The following MR1 variants were observed in gnomAD, a reference collection of about 807,000 sequenced individuals.
MR1 encodes the protein major histocompatibility complex class I-related protein 1.
Under a neutral mutation model 37.8 loss-of-function variants are expected in MR1, and 44 were observed. That is an observed-to-expected ratio of 1.16 (90% CI 0.91 to 1.50). The LOEUF (loss-of-function observed/expected upper bound fraction) is 1.50. MR1 is among the 40% of genes most tolerant of loss of function. The pLI, the probability that MR1 is intolerant of heterozygous loss-of-function variation, is 0.00. For missense variants in MR1, 386 were observed against 419.1 expected (o/e 0.92, Z 0.69); for synonymous variants, 153 against 155.8 (o/e 0.98, Z 0.13).
chr1:181,039,827 C>CT (rs1657459547), intron 1 of MR1, among the ~76,000 whole-genome samples: 1 of 144,988 alleles, frequency 6.9e-6, no homozygotes, highest in African/African-American at 2.6e-5. Context: ...GATCATGCCA[C>CT]TGCACTCCAG....
At chr1:181,036,583 A>C (rs1657283750) in intron 1 of MR1, among the ~76,000 whole-genome samples, 1 of 152,134 alleles carries the variant, frequency 6.6e-6, no homozygotes, top group African/African-American at 2.4e-5. Context: ...TACTCCAGGA[A>C]ATGTCAACAT....
At position 181,058,957 on chromosome 1, in the gene MR1, T is replaced by C. The variant is rs944117018; in HGVS notation, c.*3692T>C. The C allele has an allele frequency of 6.6e-6, 1 of 152,254 alleles. No individual in the cohort carries two copies. The highest frequency in any genetic ancestry group is 1.5e-5 in the Non-Finnish European group (1 of 68,054). 9.4% of individuals were successfully genotyped at this position (152,254 alleles called of 1,614,324 possible). ...TGTAGAGTGCTTGATGACCCCAGAA[T>C]TGGTGCAAGGGGACACATTCTTGCT... On this transcript the variant is annotated 3_prime_UTR_variant, in exon 6 of 6. Transcript: ENST00000367580.
chr1:181,054,223 G>A (rs1658481960), intron 5 of MR1, among the ~76,000 whole-genome samples: 1 of 152,218 alleles, frequency 6.6e-6, no homozygotes, highest in African/African-American at 2.4e-5. Context: ...TCTTGATAAT[G>A]TGGAATAACA....
chr1:181,055,638 G>A lies in MR1; in HGVS notation c.*373G>A. The A allele has an allele frequency of 4.3e-6, 1 of 234,470 alleles. No individual in the cohort carries two copies. Among genetic ancestry groups the A allele is most frequent in the South Asian group, 1.0e-4 (1 of 9,932 alleles). 14.5% of individuals were successfully genotyped at this position (234,470 alleles called of 1,614,324 possible). A position where few individuals can be genotyped will look rare whatever the true frequency, so the allele number is the denominator to read the frequency against. ...AGGAACTGTCTTCTGCAATGCCTTG[G>A]ACTTGAGCCTCCAGCCTCCACTTGA... On this transcript the variant is annotated 3_prime_UTR_variant, in exon 6 of 6. Coordinates refer to ENST00000367580, the MANE Select transcript of MR1 (RefSeq NM_001385161.1).
intron 2 of MR1, 115 bp from the exon 3 acceptor site, chr1:181,049,896 G>A: frequency 2.4e-6 from 3 of 1,229,404 alleles, no homozygotes; most frequent in Non-Finnish European, 3.4e-6. Context: ...TGGCAGGCCT[G>A]GGGGGTGACA....
At chr1:181,050,483 C>T (rs1438365781) in intron 3 of MR1, 197 bp downstream of exon 3, 2 of 651,910 alleles carry the variant, frequency 3.1e-6, no homozygotes, top group African/African-American at 3.7e-5. Context: ...TTTGACAGTT[C>T]CCCTTGTCTT....
intron 1 of MR1, among the ~76,000 whole-genome samples, chr1:181,045,621 A>T (rs1165181763): frequency 6.6e-6 from 1 of 152,044 alleles, no homozygotes; most frequent in African/African-American, 2.4e-5. Context: ...GTCTCTCCTA[A>T]GGGCCCACAC....
At chr1:181,052,085 T>G in intron 3 of MR1, 150 bp from the exon 4 acceptor site, 1 of 857,536 alleles carries the variant, frequency 1.2e-6, no homozygotes, top group Non-Finnish European at 1.8e-6. Flanking sequence ...CGTAAATACG[T>G]TTGTTGTTGA....
upstream of MR1, chr1:181,033,892 G>T: frequency 1.4e-6 from 1 of 709,298 alleles, no homozygotes; most frequent in Non-Finnish European, 2.3e-6. Context: ...CCTAGCAACT[G>T]ATGACACTGC....
chr1:181,050,320 GC>G, intron 3 of MR1, 34 bp downstream of exon 3: 1 of 1,612,986 alleles, frequency 6.2e-7, no homozygotes. Context: ...TTCCCACATT[GC>G]CTGAACAACT....
Position 181,052,239 on chromosome 1 carries a change from C to T in MR1, c.609C>T (p.Pro203=). Reference sequence around the variant, plus strand: ...ACTTTAGCTTCTTCTTCCTAGAGCCCCCACTGGTCAGAGTAAATCGCAAAG... The same window carrying T: ...ACTTTAGCTTCTTCTTCCTAGAGCCTCCACTGGTCAGAGTAAATCGCAAAG... The part of the protein sequence containing the change: ...YGKDTLQRTE[P]PLVRVNRKET... The change falls in exon 4 of 6, where the codon CCC becomes CCT. Residue 203 remains proline (P), a synonymous_variant. Coordinates refer to ENST00000367580, the MANE Select transcript of MR1 (RefSeq NM_001385161.1). The T allele has an allele frequency of 6.2e-7, 1 of 1,613,204 alleles. No individual in the cohort carries two copies.
chr1:181,039,288 A>G (rs1056778041), intron 1 of MR1, among the ~76,000 whole-genome samples: 1 of 152,234 alleles, frequency 6.6e-6, no homozygotes, highest in Non-Finnish European at 1.5e-5. Context: ...TTTATGCCTC[A>G]TTGAAGGCCC....
At chr1:181,052,613 C>T (rs569554944) in intron 4 of MR1, 103 bp downstream of exon 4, 17 of 1,263,226 alleles carry the variant, frequency 1.3e-5, no homozygotes, top group South Asian at 7.4e-5. Flanking sequence ...CACTGCCTCA[C>T]TCAGTGTGCC....
intron 1 of MR1, among the ~76,000 whole-genome samples, chr1:181,043,544 C>T (rs188188440): frequency 1.3e-5 from 2 of 149,998 alleles, no homozygotes; most frequent in Admixed American, 1.3e-4. Flanking sequence ...GCAACACAGA[C>T]CCTGTCTCTA....
chr1:181,034,859 A>AG (rs1032326374), intron 1 of MR1, among the ~76,000 whole-genome samples: 6 of 152,142 alleles, frequency 3.9e-5, no homozygotes, highest in Non-Finnish European at 7.4e-5. Flanking sequence ...TGGAAGGGCG[A>AG]GGGGGGTGGA....
intron 1 of MR1, among the ~76,000 whole-genome samples, chr1:181,042,308 T>C (rs542385379): frequency 6.6e-6 from 1 of 151,100 alleles, no homozygotes; most frequent in Non-Finnish European, 1.5e-5. Flanking sequence ...GTTCAAGCGA[T>C]TCTCCTGCCT....
chr1:181,046,965 GA>G (rs982277340), intron 1 of MR1, among the ~76,000 whole-genome samples: 1 of 151,942 alleles, frequency 6.6e-6, no homozygotes, highest in African/African-American at 2.4e-5. Flanking sequence ...ACATCAGAAG[GA>G]AAAAACTCCA....
rs1460368642 is a variant in MR1 at position 181,057,141 on chromosome 1, C to T, written c.*1876C>T. On this transcript the variant is annotated 3_prime_UTR_variant, in exon 6 of 6. Coordinates refer to ENST00000367580, the MANE Select transcript of MR1 (RefSeq NM_001385161.1). Reference sequence around the variant, plus strand: ...TCTCCAAAAAAAAAAAGAAAGATACCCTCAGTGTGCCAGGCCTCTAAGAGC... The same window carrying T: ...TCTCCAAAAAAAAAAAGAAAGATACTCTCAGTGTGCCAGGCCTCTAAGAGC... 6.6e-6 allele frequency: 1 copy of T among 152,512 alleles called. No homozygotes were observed. The highest frequency in any genetic ancestry group is 1.5e-5 in the Non-Finnish European group (1 of 68,372). The allele number at this position is 152,512 out of a possible 1,614,324, so 9.4% of individuals were successfully genotyped here.
intron 2 of MR1, chr1:181,049,664 G>T (rs564307323): frequency 2.1e-6 from 1 of 474,412 alleles, no homozygotes; most frequent in African/African-American, 1.9e-5. Context: ...TTGCTTATGA[G>T]TATCGACAGT....
Sources: allele counts gnomAD v4.1 joint callset (sites outside exome capture counted in the v4.1 genomes callset), GRCh38; gene constraint gnomAD v4.1.1; transcripts MANE v1.5; gene names NCBI Gene and HGNC (gene_info 2026-07-23, HGNC 2026-07-21).